TRERF1: variants seen among roughly 807,000 people sequenced by gnomAD.
The protein encoded by TRERF1 is transcriptional regulating factor 1.
TRERF1 carries 27 observed loss-of-function variants against 122.9 expected under a neutral mutation model. The observed-to-expected ratio is 0.22, with a 90% CI of 0.16 to 0.30. TRERF1 has a LOEUF of 0.30. TRERF1 is among the 10% of genes least tolerant of loss of function. The pLI, the probability that TRERF1 is intolerant of heterozygous loss-of-function variation, is 1.00. For synonymous variants in TRERF1, 636 were observed against 641.7 expected (o/e 0.99, Z 0.13); for missense variants, 1,248 against 1,560.3 (o/e 0.80, Z 3.37).
intron 8 of TRERF1, among the ~76,000 whole-genome samples, chr6:42,260,475 C>T (rs1444572549): frequency 6.6e-6 from 1 of 152,154 alleles, no homozygotes; most frequent in Non-Finnish European, 1.5e-5. Flanking sequence ...CACATGGATA[C>T]ATATATACTA....
intron 10 of TRERF1, 129 bp from the exon 11 acceptor site, chr6:42,257,231 C>G (rs997112711): frequency 8.8e-7 from 1 of 1,135,546 alleles, no homozygotes; most frequent in Non-Finnish European, 1.3e-6. Context: ...CATTTCCTCA[C>G]AGTGTGACCC....
chr6:42,268,907 G>A lies in TRERF1; in HGVS notation c.684C>T (p.Thr228=), dbSNP rs536733141. 7 of 1,613,248 alleles carry A rather than the reference G, an allele frequency of 4.3e-6. 1 individual carries two copies. The South Asian group carries it at 6.6e-5, about 15-fold the overall frequency. Residue 228 remains threonine, a synonymous_variant, in exon 5 of 18, where the codon ACC becomes ACT. Transcript: ENST00000372922. This position sits in a 1 kb window ranked among gnomAD's most constrained non-coding sequence, Gnocchi z 4.4. ...GGTAGTCATAATACAGGTGCCCTTG[G>A]GTAGGGTGCTGCCCGACCTGAAGAG... is the stretch of plus-strand genomic sequence containing the variant.
chr6:42,435,409 G>A (rs891501461), intron 2 of TRERF1, among the ~76,000 whole-genome samples: 2 of 152,188 alleles, frequency 1.3e-5, no homozygotes, highest in South Asian at 4.1e-4. Context: ...AACTTAGCCA[G>A]GCATGGTGGT....
chr6:42,236,320 G>C, exon 16 of TRERF1: 2 of 1,601,536 alleles, frequency 1.2e-6, no homozygotes, highest in Non-Finnish European at 8.5e-7. Flanking sequence ...CGGGGACTTC[G>C]GCACCTCACT....
rs1003613510 is a variant in TRERF1, at chr6:42,393,251, A to T, written c.-453-30172T>A. Among the ~76,000 whole-genome samples the T allele has an allele frequency of 3.3e-5, 5 of 152,242 alleles. No homozygotes were observed. Among genetic ancestry groups the T allele is most frequent in the Non-Finnish European group, 7.3e-5 (5 of 68,042 alleles). On this transcript the variant is annotated intron_variant, in intron 2 of 17. Transcript: ENST00000372922. This position sits in a 1 kb window ranked among gnomAD's most constrained non-coding sequence, Gnocchi z 4.1. ...TATTTCATCCTCACCACCTGGCCAG[A>T]AAGGCATTCCTGCCTTCATTTTGCA...
In TRERF1 at chr6:42,379,837, A is replaced by C. The variant is rs182350597; in HGVS notation, c.-453-16758T>G. Among the ~76,000 whole-genome samples the C allele has an allele frequency of 6.5e-4, 99 of 152,340 alleles. 1 individual carries two copies. Among genetic ancestry groups the C allele is most frequent in the Non-Finnish European group, 1.6e-4 (11 of 68,026 alleles). ...ATTACAGGTGTGAGCCATCACGCCC[A>C]GCCTGTGCCAGGCATGTTGTAGGTT... On this transcript the variant is annotated intron_variant, in intron 2 of 17. Transcript: ENST00000372922.
In TRERF1 at chr6:42,228,683, AAGAG is replaced by A; in HGVS notation, c.3279-18_3279-15del. On this transcript the variant is annotated splice_polypyrimidine_tract_variant and intron_variant, in intron 17 of 17. Transcript: ENST00000372922. The surrounding 1 kb of genome is among the most constrained non-coding windows in gnomAD (Gnocchi z 4.2). ...TTGAAGAAGACTCTAAAAATAAAGA[AAGAG>A]AGGTGTGTAGAATTTAGAAGGAGAT... 6.3e-7 allele frequency: 1 copy of A among 1,578,910 alleles called. No individual in the cohort carries two copies. Among genetic ancestry groups the A allele is most frequent in the Non-Finnish European group, 8.6e-7 (1 of 1,164,714 alleles).
intron 4 of TRERF1, among the ~76,000 whole-genome samples, chr6:42,286,600 T>TCA (rs1783272292): frequency 7.6e-6 from 1 of 132,118 alleles, no homozygotes; most frequent in African/African-American, 2.9e-5. Flanking sequence ...AGATACCATC[T>TCA]CACACCAGTT....
chr6:42,404,273 T>C (rs1280695707), intron 2 of TRERF1, among the ~76,000 whole-genome samples: 1 of 152,116 alleles, frequency 6.6e-6, no homozygotes, highest in African/African-American at 2.4e-5. Context: ...CTCATCTTTG[T>C]CAATGGTGCC....
chr6:42,390,138 CTACTT>C (rs1299929312), intron 2 of TRERF1, among the ~76,000 whole-genome samples: 1 of 152,222 alleles, frequency 6.6e-6, no homozygotes, highest in East Asian at 1.9e-4. Flanking sequence ...GGGGAGAATT[CTACTT>C]TCCCCACGTC....
chr6:42,383,356 A>G (rs1776274560), intron 2 of TRERF1, among the ~76,000 whole-genome samples: 2 of 152,144 alleles, frequency 1.3e-5, no homozygotes. Flanking sequence ...CTCCAGTGTC[A>G]CTATCATGCC....
At chr6:42,306,992 G>A (rs1410610074) in intron 3 of TRERF1, among the ~76,000 whole-genome samples, 1 of 152,150 alleles carries the variant, frequency 6.6e-6, no homozygotes, top group Non-Finnish European at 1.5e-5. Flanking sequence ...CTGGGCTCTT[G>A]TTGAACACCC....
intron 3 of TRERF1, among the ~76,000 whole-genome samples, chr6:42,354,991 C>T (rs575900958): frequency 6.6e-6 from 1 of 152,276 alleles, no homozygotes; most frequent in African/African-American, 2.4e-5. Context: ...AGCTCATTAT[C>T]TAGAAATAGG....
intron 2 of TRERF1, among the ~76,000 whole-genome samples, chr6:42,382,850 G>A (rs1403232590): frequency 2.0e-5 from 3 of 152,022 alleles, no homozygotes; most frequent in African/African-American, 7.2e-5. Context: ...CATGCCAGTA[G>A]GATTCTCCTT....
chr6:42,378,629 C>A (rs1775334547), intron 2 of TRERF1, among the ~76,000 whole-genome samples: 1 of 152,122 alleles, frequency 6.6e-6, no homozygotes, highest in South Asian at 2.1e-4. Context: ...GAGGCAAAGA[C>A]CCCCGAAGCC....
chr6:42,248,857 A>G (rs1217012778), intron 13 of TRERF1, among the ~76,000 whole-genome samples: 1 of 152,166 alleles, frequency 6.6e-6, no homozygotes, highest in Non-Finnish European at 1.5e-5. Context: ...TTGAGGCTCT[A>G]TATCACTTCC....
intron 12 of TRERF1, 100 bp from the exon 13 acceptor site, chr6:42,255,026 G>T (rs1036184322): frequency 1.7e-6 from 2 of 1,200,378 alleles, no homozygotes; most frequent in Non-Finnish European, 2.5e-6. Flanking sequence ...GCACTGTGGA[G>T]GTCAGGGGCG....
At chr6:42,356,932 A>G (rs1209492443) in intron 3 of TRERF1, among the ~76,000 whole-genome samples, 2 of 152,190 alleles carry the variant, frequency 1.3e-5, no homozygotes, top group Non-Finnish European at 2.9e-5. Flanking sequence ...AGCCTGAGCT[A>G]AGACAAGAAT....
At chr6:42,341,793 G>A (rs959364551) in intron 3 of TRERF1, among the ~76,000 whole-genome samples, 3 of 152,188 alleles carry the variant, frequency 2.0e-5, no homozygotes, top group Non-Finnish European at 4.4e-5. Flanking sequence ...ACTACTACAA[G>A]AACACTAAAC....
Sources: gnomAD v4.1 joint callset for allele counts (sites outside exome capture counted in the v4.1 genomes callset) on GRCh38, gnomAD v4.1.1 for gene constraint, Gnocchi (gnomAD v3.1) non-coding constraint, MANE v1.5 for transcripts, NCBI Gene and HGNC (gene_info 2026-07-23, HGNC 2026-07-21) for gene names.